RELN: variants seen among roughly 807,000 people sequenced by gnomAD.
The protein encoded by RELN is reelin.
RELN carries 108 observed loss-of-function variants against 427.6 expected under a neutral mutation model. The ratio of observed to expected loss-of-function variants is 0.25; its 90% CI spans 0.22 to 0.30. The LOEUF (loss-of-function observed/expected upper bound fraction) is 0.30. RELN is among the 10% of genes least tolerant of loss of function. The pLI, the probability that RELN is intolerant of heterozygous loss-of-function variation, is 1.00. For missense variants in RELN, 3,715 were observed against 4,302.8 expected, an observed-to-expected ratio of 0.86 and a Z score of 3.82; for synonymous variants, 1,524 against 1,513.4, an observed-to-expected ratio of 1.01 and a Z score of -0.16.
At chr7:103,799,719 T>C (rs1204550457) in intron 3 of RELN, among the ~76,000 whole-genome samples, 1 of 152,188 alleles carries the variant, frequency 6.6e-6, no homozygotes. Context: ...TTCATGGCAT[T>C]TGTCACAGTT....
At chr7:103,983,188 G>C (rs192610633) in intron 1 of RELN, among the ~76,000 whole-genome samples, 1 of 152,118 alleles carries the variant, frequency 6.6e-6, no homozygotes, top group African/African-American at 2.4e-5. Context: ...CATTTGTACT[G>C]ATCCCCCTGC....
chr7:103,672,896 C>T (rs1035609145), intron 11 of RELN, among the ~76,000 whole-genome samples: 4 of 152,034 alleles, frequency 2.6e-5, no homozygotes, highest in Non-Finnish European at 5.9e-5. Flanking sequence ...TGAAATATCC[C>T]TTTTTGGTCT....
chr7:103,888,793 C>A (rs988208967), intron 2 of RELN, among the ~76,000 whole-genome samples: 2 of 152,168 alleles, frequency 1.3e-5, no homozygotes, highest in African/African-American at 2.4e-5. Context: ...CAGATTTCAG[C>A]CCCACTTGTC....
chr7:103,502,982 T>C (rs1325170785), intron 52 of RELN, 34 bp downstream of exon 52: 2 of 1,574,958 alleles, frequency 1.3e-6, no homozygotes, highest in Non-Finnish European at 1.7e-6. Context: ...TTCTGGATGC[T>C]TGGAACCAGG....
chr7:103,701,990 A>G (rs1834102392), intron 8 of RELN, among the ~76,000 whole-genome samples: 1 of 152,234 alleles, frequency 6.6e-6, no homozygotes, highest in South Asian at 2.1e-4. Flanking sequence ...TTAGTACAAA[A>G]CCAGTTAGTT....
chr7:103,678,921 A>G (rs2115678034), intron 11 of RELN, among the ~76,000 whole-genome samples: 1 of 152,346 alleles, frequency 6.6e-6, no homozygotes, highest in East Asian at 1.9e-4. Context: ...GGATGAAAGA[A>G]GGAGACAAAT....
chr7:103,561,958 CCAAA>C lies in RELN; in HGVS notation c.5211-9_5211-6del. Reference sequence around the variant, plus strand: ...CTGAACCGGGTCCTGGGAGAACTAACCAAAAAAAAAAAAAAAAAAACACACCACT... The same window carrying C: ...CTGAACCGGGTCCTGGGAGAACTAACAAAAAAAAAAAAAAAACACACCACT... On this transcript the variant is annotated splice_region_variant and splice_polypyrimidine_tract_variant and intron_variant, in intron 34 of 64. Transcript: ENST00000428762. The C allele has an allele frequency of 9.8e-7, 1 of 1,018,362 alleles. No individual in the cohort carries two copies. Among genetic ancestry groups the C allele is most frequent in the Non-Finnish European group, 1.3e-6 (1 of 769,816 alleles). The allele number at this position is 1,018,362 out of a possible 1,614,324, so 63.1% of individuals were successfully genotyped here. A position where few individuals can be genotyped will look rare whatever the true frequency, so the allele number is the denominator to read the frequency against.
rs112399958 is a variant in RELN at position 103,843,841 on chromosome 7, T to C, written c.338-10169A>G. Among the ~76,000 whole-genome samples, 251 of 152,300 alleles carry C rather than the reference T, an allele frequency of 1.6e-3. 1 individual carries two copies. Among genetic ancestry groups the C allele is most frequent in the African/African-American group, 5.8e-3 (243 of 41,566 alleles). ...GTGCAGACTCTGCCCTGCCTGTCTG[T>C]AATGGAAGCTCTCTGATCTGCTGGC... On this transcript the variant is annotated intron_variant, in intron 2 of 64. Transcript: ENST00000428762.
Position 103,510,919 on chromosome 7 carries a change from C to A in RELN, c.8206G>T (p.Asp2736Tyr), listed in dbSNP as rs1829388438. Residue 2736 changes from aspartate (D) to tyrosine (Y), a missense_variant, in exon 51 of 65, where the codon GAT (aspartate) becomes TAT (tyrosine). By Grantham distance (160) the Asp-to-Tyr change is radical. Coordinates refer to ENST00000428762, the MANE Select transcript of RELN (RefSeq NM_005045.4). Reference sequence around the variant, plus strand: ...GTCACTGCATACACCTCCCGTCCATCATGACTGCCACAGAGCATCACACCA... The same window carrying A: ...GTCACTGCATACACCTCCCGTCCATAATGACTGCCACAGAGCATCACACCA... Reference protein sequence around the residue: ...PDGVMLCGSHDGREVYAVTHD... With the variant: ...PDGVMLCGSHYGREVYAVTHD... The A allele has an allele frequency of 6.2e-7, 1 of 1,613,122 alleles. No individual in the cohort carries two copies. Among genetic ancestry groups the A allele is most frequent in the African/African-American group, 1.3e-5 (1 of 74,898 alleles).
chr7:103,726,425 T>A (rs1248924501), intron 7 of RELN, among the ~76,000 whole-genome samples: 1 of 152,154 alleles, frequency 6.6e-6, no homozygotes. Flanking sequence ...CAAATGAACA[T>A]AATTATTTTG....
At chr7:103,728,236 C>G (rs746098253) in intron 6 of RELN, 29 bp from the exon 7 acceptor site, 3 of 1,606,072 alleles carry the variant, frequency 1.9e-6, no homozygotes, top group Non-Finnish European at 2.6e-6. Flanking sequence ...CAGTCCCCGT[C>G]TGAGAACTAA....
In RELN at chr7:103,553,720, C is replaced by A. The variant is rs771500788; in HGVS notation, c.5909G>T (p.Trp1970Leu). The change falls in exon 39 of 65, where the codon TGG becomes TTG. Residue 1970 changes from tryptophan to leucine, a missense_variant. Coordinates refer to ENST00000428762, the MANE Select transcript of RELN (RefSeq NM_005045.4). ...GATGTTACCACCAGGATAGAAAAAC[C>A]AATTGTCTTCTCTGGGCCCAAAATC... ...TFDFGPREDN[W>L]FFYPGGNIGL... 1.2e-6 allele frequency: 2 copies of A among 1,614,028 alleles called. No homozygotes were observed. The highest frequency in any genetic ancestry group is 1.7e-5 in the Admixed American group (1 of 60,008).
chr7:103,686,045 C>A (rs1031262297), intron 10 of RELN, among the ~76,000 whole-genome samples: 1 of 152,150 alleles, frequency 6.6e-6, no homozygotes, highest in South Asian at 2.1e-4. Context: ...ACCGAAGCAC[C>A]TCTTAATATG....
chr7:103,556,295 G>A (rs1480991625), intron 38 of RELN, among the ~76,000 whole-genome samples: 8 of 151,998 alleles, frequency 5.3e-5, no homozygotes, highest in Non-Finnish European at 8.8e-5. Flanking sequence ...CAACAAAAAT[G>A]TCATTACAAC....
intron 11 of RELN, among the ~76,000 whole-genome samples, chr7:103,671,216 A>G (rs1276726424): frequency 1.3e-5 from 2 of 152,132 alleles, no homozygotes; most frequent in East Asian, 1.9e-4. Context: ...CGTTGCATTT[A>G]TAGGTTTTAC....
At chr7:103,924,910 C>T (rs1429532099) in intron 1 of RELN, among the ~76,000 whole-genome samples, 1 of 151,438 alleles carries the variant, frequency 6.6e-6, no homozygotes, top group Non-Finnish European at 1.5e-5. Context: ...TCTACATTGC[C>T]TTTCCTCTTC....
chr7:103,484,775 G>C (rs180986055), intron 61 of RELN, among the ~76,000 whole-genome samples: 1 of 152,270 alleles, frequency 6.6e-6, no homozygotes, highest in African/African-American at 2.4e-5. Context: ...AGGACATGGA[G>C]AGGACATGGA....
chr7:103,606,368 G>A (rs1239678978), intron 22 of RELN, among the ~76,000 whole-genome samples: 2 of 152,168 alleles, frequency 1.3e-5, no homozygotes. Context: ...GTGACGGAAT[G>A]AAGAATGTAC....
intron 38 of RELN, among the ~76,000 whole-genome samples, chr7:103,554,081 G>T (rs965258710): frequency 5.3e-5 from 8 of 152,052 alleles, no homozygotes; most frequent in African/African-American, 1.9e-4. Flanking sequence ...CAGCTACTCA[G>T]GAGGCTGAGG....
Sources: gnomAD v4.1 joint callset for allele counts (sites outside exome capture counted in the v4.1 genomes callset) on GRCh38, gnomAD v4.1.1 for gene constraint, MANE v1.5 for transcripts, NCBI Gene and HGNC (gene_info 2026-07-23, HGNC 2026-07-21) for gene names.